The following RHPN1 variants were observed in gnomAD, a reference collection of about 807,000 sequenced individuals.
RHPN1 encodes rhophilin-1.
A neutral mutation model predicts 74.7 loss-of-function variants in RHPN1; 77 were observed. The ratio of observed to expected loss-of-function variants is 1.03; its 90% CI spans 0.86 to 1.25. The LOEUF (loss-of-function observed/expected upper bound fraction) is 1.25. Ranked by LOEUF, RHPN1 falls within the 50% of genes most tolerant of loss-of-function variation. The pLI is 0.00. For synonymous variants in RHPN1, 444 were observed against 414.5 expected (o/e 1.07, Z -0.87); for missense variants, 987 against 932.2 (o/e 1.06, Z -0.77).
chr8:143,379,805 C>T (rs763857396), intron 8 of RHPN1, 24 bp from the exon 9 acceptor site: 23 of 1,593,746 alleles, frequency 1.4e-5, no homozygotes, highest in South Asian at 5.6e-5. Flanking sequence ...GAGGCCCTCG[C>T]GTGCCTGCCA....
chr8:143,368,761 A>C (rs930358233), upstream of RHPN1: 9 of 317,304 alleles, frequency 2.8e-5, no homozygotes, highest in African/African-American at 1.5e-4. Context: ...TGTCCGTCGA[A>C]GCGGCATTGC....
intron 1 of RHPN1, among the ~76,000 whole-genome samples, chr8:143,372,593 AGCTGCCTGTGTCCATCCCTCCG>A (rs1292342410): frequency 6.6e-6 from 1 of 151,586 alleles, no homozygotes; most frequent in Non-Finnish European, 1.5e-5. Flanking sequence ...CCCTCCCTCC[AGCTGCCTGTGTCCATCCCTCCG>A]GCCGCCTGTG....
intron 12 of RHPN1, 56 bp from the exon 13 acceptor site, chr8:143,381,516 C>CGGG (rs533319215): frequency 6.4e-7 from 1 of 1,553,688 alleles, no homozygotes; most frequent in African/African-American, 1.4e-5. Flanking sequence ...GCTAGTCAGG[C>CGGG]GGGGTCTCCT....
In RHPN1 at chr8:143,378,299, G is replaced by A. The variant is rs375729166; in HGVS notation, c.412G>A (p.Gly138Ser). The A allele has an allele frequency of 3.0e-4, 476 of 1,574,522 alleles. 8 individuals are homozygous for A. Among genetic ancestry groups the A allele is most frequent in the South Asian group, 9.9e-4 (84 of 85,270 alleles). ...GATCTCAGTGCACTTTGGAGAGGAC[G>A]GCGCCTCCTACGAGGCAGAAATCAG... ...ELISVHFGED[G>S]ASYEAEIREL... The change falls in exon 5 of 15, where the codon GGC becomes AGC. Residue 138 changes from glycine to serine, a missense_variant. Transcript: ENST00000289013.
rs999131551 is a variant in RHPN1 at position 143,376,644 on chromosome 8, G to A, written c.296G>A (p.Arg99Gln). ...EELSGGVDPG[R>Q]HGSEAVTVPM... ...CTCAGCGGTGGCGTGGACCCTGGCC[G>A]GCATGGGAGGTGCGGGTGGGGGCCG... The change falls in exon 3 of 15, where the codon CGG (arginine) becomes CAG (glutamine). Residue 99 changes from arginine to glutamine, a missense_variant. By Grantham distance (43) the Arg-to-Gln change is conservative. Transcript: ENST00000289013. 174 of 1,568,596 alleles carry A rather than the reference G, an allele frequency of 1.1e-4. No homozygotes were observed. Among genetic ancestry groups the A allele is most frequent in the Non-Finnish European group, 1.4e-4 (158 of 1,157,258 alleles).
upstream of RHPN1, among the ~76,000 whole-genome samples, chr8:143,366,296 C>T (rs150322415): frequency 1.7e-3 from 263 of 152,250 alleles, 1 homozygote; most frequent in African/African-American, 6.0e-3. Flanking sequence ...TACTTTCTCA[C>T]CTCCCATCCT....
chr8:143,374,262 T>A, intron 1 of RHPN1: 2 of 985,424 alleles, frequency 2.0e-6, no homozygotes, highest in Non-Finnish European at 2.4e-6. Context: ...CGTGTGCACG[T>A]TGGCCCCATG....
intron 1 of RHPN1, chr8:143,374,423 C>A: frequency 1.4e-6 from 1 of 722,540 alleles, no homozygotes; most frequent in Non-Finnish European, 1.7e-6. Context: ...TTGCTGCTGA[C>A]TGGCAGAAAT....
intron 1 of RHPN1, among the ~76,000 whole-genome samples, chr8:143,374,973 G>A (rs567994066): frequency 3.7e-4 from 57 of 152,296 alleles, no homozygotes; most frequent in South Asian, 4.1e-4. Context: ...GTGTGCGTTC[G>A]CTTCGAGAAC....
Position 143,378,811 on chromosome 8 carries a change from T to G in RHPN1, c.575T>G (p.Phe192Cys). The change falls in exon 6 of 15, where the codon TTC (phenylalanine) becomes TGC (cysteine). Residue 192 changes from phenylalanine to cysteine, a missense_variant. Physicochemically the swap from Phe to Cys is radical, Grantham distance 205 (BLOSUM62 -2). Coordinates refer to ENST00000289013, the MANE Select transcript of RHPN1 (RefSeq NM_052924.3). Reference protein sequence around the residue: ...FLTPARSLGLFFHWYDSLTGV... With the variant: ...FLTPARSLGLCFHWYDSLTGV... Reference sequence around the variant, plus strand: ...ACCCCTGCCAGGAGCCTCGGGCTCTTCTTCCACTGGTAGGGGCTCTGCGGG... The same window carrying G: ...ACCCCTGCCAGGAGCCTCGGGCTCTGCTTCCACTGGTAGGGGCTCTGCGGG... 2.6e-6 allele frequency: 4 copies of G among 1,565,188 alleles called. No homozygotes were observed. Among genetic ancestry groups the G allele is most frequent in the Non-Finnish European group, 3.5e-6 (4 of 1,155,186 alleles).
intron 8 of RHPN1, 63 bp downstream of exon 8, chr8:143,379,571 TCCAGGC>T: frequency 6.7e-7 from 1 of 1,486,918 alleles, no homozygotes; most frequent in Non-Finnish European, 9.0e-7. Flanking sequence ...AGAGCCCAGG[TCCAGGC>T]ATGCGTGAGC....
chr8:143,377,106 G>A (rs912504678), intron 3 of RHPN1, among the ~76,000 whole-genome samples: 25 of 151,764 alleles, frequency 1.6e-4, no homozygotes, highest in South Asian at 4.2e-4. Flanking sequence ...GTGTGCGTGC[G>A]CATGTGTGTC....
At chr8:143,373,264 C>T (rs1382251194) in intron 1 of RHPN1, among the ~76,000 whole-genome samples, 1 of 684 alleles carries the variant, frequency 1.5e-3, no homozygotes, top group African/African-American at 0.028. Context: ...GGGGATGGCG[C>T]GGGTTCCAGG....
Position 143,368,916 on chromosome 8 carries a change from C to T in RHPN1, c.-72C>T. ...GCCCAGGTGGTGCGGGCGGCCCTAG[C>T]CCGGCTGCGGAGCGCTGCGCGAGCG... On this transcript the variant is annotated 5_prime_UTR_variant, in exon 1 of 15. Transcript: ENST00000289013. 7.8e-7 allele frequency: 1 copy of T among 1,280,072 alleles called. No homozygotes were observed. The allele number at this position is 1,280,072 out of a possible 1,614,324, so 79.3% of individuals were successfully genotyped here.
In RHPN1 at chr8:143,383,531, GAC is replaced by G. The variant is rs779746916; in HGVS notation, c.*882_*883del. 1 of 152,530 alleles carries G rather than the reference GAC, an allele frequency of 6.6e-6. No individual in the cohort carries two copies. The highest frequency in any genetic ancestry group is 1.9e-4 in the East Asian group (1 of 5,196). The allele number at this position is 152,530 out of a possible 1,614,324, so 9.4% of individuals were successfully genotyped here. ...CCTCCAGGCCTCCGTGTACTGGGTGGACAATGGCCCCCAAAGGCCGTCGGCAA... is the reference window on the plus strand; with the variant it reads ...CCTCCAGGCCTCCGTGTACTGGGTGGAATGGCCCCCAAAGGCCGTCGGCAA... On this transcript the variant is annotated 3_prime_UTR_variant, in exon 15 of 15. Transcript: ENST00000289013.
chr8:143,371,427 T>C (rs1416075930), intron 1 of RHPN1, among the ~76,000 whole-genome samples: 1 of 151,806 alleles, frequency 6.6e-6, no homozygotes, highest in Non-Finnish European at 1.5e-5. Flanking sequence ...GCTGGTTTGC[T>C]CCAGGTGGGT....
chr8:143,381,488 C>T, intron 12 of RHPN1, 84 bp from the exon 13 acceptor site: 1 of 1,515,554 alleles, frequency 6.6e-7, no homozygotes, highest in Admixed American at 2.0e-5. Flanking sequence ...TCCCTCGGTG[C>T]ACAGGTTGGA....
upstream of RHPN1, chr8:143,367,111 G>A (rs1742789994): frequency 6.6e-6 from 1 of 152,196 alleles, no homozygotes; most frequent in African/African-American, 2.4e-5. Flanking sequence ...GAAGTGAGAA[G>A]GACGGGTGGG....
intron 1 of RHPN1, among the ~76,000 whole-genome samples, chr8:143,370,586 C>T (rs926437471): frequency 4.6e-5 from 7 of 152,220 alleles, no homozygotes; most frequent in Non-Finnish European, 4.4e-5. Context: ...TGTATTTGCC[C>T]CAGGCGTGAT....
Sources: gnomAD v4.1 joint callset for allele counts (sites outside exome capture counted in the v4.1 genomes callset) on GRCh38, gnomAD v4.1.1 for gene constraint, MANE v1.5 for transcripts, NCBI Gene and HGNC (gene_info 2026-07-23, HGNC 2026-07-21) for gene names.